ARL5B: variants seen among roughly 807,000 people sequenced by gnomAD.
ARL5B encodes ADP-ribosylation factor-like protein 5B.
A neutral mutation model predicts 26.9 loss-of-function variants in ARL5B; 10 were observed. That is an observed-to-expected ratio of 0.37 (90% CI 0.23 to 0.63). ARL5B has a LOEUF of 0.63. ARL5B is among the 30% of genes least tolerant of loss of function. The pLI is 0.62. For missense variants in ARL5B, 167 were observed against 213.9 expected (o/e 0.78, Z 1.37); for synonymous variants, 87 against 70.4 (o/e 1.24, Z -1.18).
chr10:18,668,715 C>G (rs2059872859), intron 3 of ARL5B, 38 bp downstream of exon 3: 2 of 1,600,774 alleles, frequency 1.2e-6, no homozygotes, highest in African/African-American at 2.7e-5. Flanking sequence ...ATCCAAAGGT[C>G]CCTAGAGTAA....
intron 5 of ARL5B, 75 bp from the exon 6 acceptor site, chr10:18,675,093 C>T (rs999415538): frequency 1.6e-5 from 23 of 1,395,070 alleles, no homozygotes; most frequent in Non-Finnish European, 2.1e-5. Flanking sequence ...TTGGTTAAGA[C>T]CTAAAAATAA....
At chr10:18,671,360 C>T (rs2059886206) in intron 3 of ARL5B, among the ~76,000 whole-genome samples, 2 of 151,920 alleles carry the variant, frequency 1.3e-5, no homozygotes, top group South Asian at 4.2e-4. Flanking sequence ...TTAATAGAGA[C>T]AGGGTTTCAC....
At chr10:18,671,175 T>C (rs1454229582) in intron 3 of ARL5B, among the ~76,000 whole-genome samples, 17 of 152,138 alleles carry the variant, frequency 1.1e-4, no homozygotes, top group Admixed American at 1.1e-3. Flanking sequence ...TTCCCTAATT[T>C]TATTTATTTT....
At chr10:18,661,487 T>C (rs1253814739) in intron 1 of ARL5B, among the ~76,000 whole-genome samples, 1 of 152,238 alleles carries the variant, frequency 6.6e-6, no homozygotes, top group Admixed American at 6.5e-5. Flanking sequence ...CCTCTAACTT[T>C]CCTGTTGGAA....
At chr10:18,668,791 G>C in intron 3 of ARL5B, 114 bp downstream of exon 3, 5 of 1,022,296 alleles carry the variant, frequency 4.9e-6, no homozygotes, top group Non-Finnish European at 6.8e-6. Context: ...TTTTTTTTAA[G>C]ACGGAGTCTT....
rs1590231606 is a variant in ARL5B, at chr10:18,678,149, T to C, written c.*2933T>C. 6.6e-6 allele frequency: 1 copy of C among 151,782 alleles called. No homozygotes were observed. Among genetic ancestry groups the C allele is most frequent in the African/African-American group, 2.4e-5 (1 of 41,418 alleles). 9.4% of individuals were successfully genotyped at this position (151,782 alleles called of 1,614,324 possible). On this transcript the variant is annotated 3_prime_UTR_variant, in exon 6 of 6. Transcript: ENST00000377275. ...TTTATTGTTAATGTAACTTAATTCC[T>C]TAAAACCTGGAATATTAATATATAT...
At chr10:18,675,082 T>A in intron 5 of ARL5B, 86 bp from the exon 6 acceptor site, 1 of 1,233,902 alleles carries the variant, frequency 8.1e-7, no homozygotes, top group South Asian at 1.3e-5. Context: ...GCTACCAGCC[T>A]TTGGTTAAGA....
At position 18,679,781 on chromosome 10, in the gene ARL5B, A is replaced by G. The variant is rs539869575; in HGVS notation, c.*4565A>G. ...CAAAGCACTTGAAAGTAAAGACAAT[A>G]TCATGAGGTCGAAAAAACTTCAAAA... On this transcript the variant is annotated 3_prime_UTR_variant, in exon 6 of 6. Coordinates refer to ENST00000377275, the MANE Select transcript of ARL5B (RefSeq NM_178815.5). The G allele has an allele frequency of 6.6e-6, 1 of 152,098 alleles. No individual in the cohort carries two copies. The highest frequency in any genetic ancestry group is 6.5e-5 in the Admixed American group (1 of 15,276). The allele number at this position is 152,098 out of a possible 1,614,324, so 9.4% of individuals were successfully genotyped here.
chr10:18,665,661 A>G (rs1221581626), intron 1 of ARL5B, among the ~76,000 whole-genome samples: 4 of 152,160 alleles, frequency 2.6e-5, no homozygotes, highest in African/African-American at 7.2e-5. Context: ...GATGTGCCCA[A>G]TCGTTGCCTA....
chr10:18,666,428 A>G (rs895802538), intron 1 of ARL5B, 147 bp from the exon 2 acceptor site: 20 of 626,896 alleles, frequency 3.2e-5, no homozygotes, highest in African/African-American at 7.5e-5. Context: ...CCTTAACATC[A>G]TAACATTTCT....
chr10:18,670,447 C>T (rs1344233917), intron 3 of ARL5B, among the ~76,000 whole-genome samples: 1 of 152,036 alleles, frequency 6.6e-6, no homozygotes, highest in African/African-American at 2.4e-5. Flanking sequence ...CCCATCTCTA[C>T]TAAAAATACA....
chr10:18,678,767 A>G lies in ARL5B; in HGVS notation c.*3551A>G, dbSNP rs981556899. The G allele has an allele frequency of 5.3e-5, 8 of 151,776 alleles. No individual in the cohort carries two copies. The highest frequency in any genetic ancestry group is 1.2e-4 in the Non-Finnish European group (8 of 67,764). The allele number at this position is 151,776 out of a possible 1,614,324, so 9.4% of individuals were successfully genotyped here. ...ATTTTGCCGGGGTAAAGTGACTTCA[A>G]GATACAGCATGGTGTCTTGTATCTA... On this transcript the variant is annotated 3_prime_UTR_variant, in exon 6 of 6. Coordinates refer to ENST00000377275, the MANE Select transcript of ARL5B (RefSeq NM_178815.5).
intron 1 of ARL5B, among the ~76,000 whole-genome samples, chr10:18,660,982 G>A (rs552714710): frequency 1.3e-5 from 2 of 152,168 alleles, no homozygotes; most frequent in Admixed American, 6.5e-5. Flanking sequence ...CGAGTAACTG[G>A]TATTTACAGG....
chr10:18,675,241 CTATT>C lies in ARL5B; in HGVS notation c.*30_*33del, dbSNP rs2059905456. ...ACTTTTTTGCTTGAAAGAGACTGCT[CTATT>C]TATTCTGTGACATGAACATTTTTTC... is the stretch of plus-strand genomic sequence containing the variant. On this transcript the variant is annotated 3_prime_UTR_variant, in exon 6 of 6. Transcript: ENST00000377275. 8 of 1,607,200 alleles carry C rather than the reference CTATT, an allele frequency of 5.0e-6. No individual in the cohort carries two copies. The highest frequency in any genetic ancestry group is 6.8e-6 in the Non-Finnish European group (8 of 1,173,852).
In ARL5B at chr10:18,678,220, T is replaced by A. The variant is rs1325690108; in HGVS notation, c.*3004T>A. 1 of 151,772 alleles carries A rather than the reference T, an allele frequency of 6.6e-6. No individual in the cohort carries two copies. The highest frequency in any genetic ancestry group is 1.9e-4 in the East Asian group (1 of 5,198). 9.4% of individuals were successfully genotyped at this position (151,772 alleles called of 1,614,324 possible). On this transcript the variant is annotated 3_prime_UTR_variant, in exon 6 of 6. Coordinates refer to ENST00000377275, the MANE Select transcript of ARL5B (RefSeq NM_178815.5). ...TTAAATATGTAATTTTTGCTTTTAG[T>A]TTCTTGTGTTAGTATGCTTAAAGGT...
chr10:18,675,028 G>A, intron 5 of ARL5B, 140 bp from the exon 6 acceptor site: 3 of 629,516 alleles, frequency 4.8e-6, no homozygotes, highest in Non-Finnish European at 8.1e-6. Context: ...ACTTATTATA[G>A]TGTGACTTGA....
intron 1 of ARL5B, among the ~76,000 whole-genome samples, chr10:18,664,542 ATTC>A (rs2059852456): frequency 7.3e-6 from 1 of 137,282 alleles, no homozygotes; most frequent in Admixed American, 8.2e-5. Flanking sequence ...GGTTCATGCC[ATTC>A]TTCTGCTTCA....
In ARL5B at chr10:18,668,622, T is replaced by C. The variant is rs1422082061; in HGVS notation, c.200T>C (p.Ile67Thr). 2 of 1,614,084 alleles carry C rather than the reference T, an allele frequency of 1.2e-6. No homozygotes were observed. Among genetic ancestry groups the C allele is most frequent in the Non-Finnish European group, 1.7e-6 (2 of 1,180,046 alleles). ...VKNTHFLMWD[I>T]GGQESLRSSW... ...AACACTCATTTTCTTATGTGGGATA[T>C]TGGTGGTCAGGAGTCTCTGCGATCA... The change falls in exon 3 of 6, where the codon ATT becomes ACT. Residue 67 changes from isoleucine to threonine, a missense_variant. Transcript: ENST00000377275.
chr10:18,674,943 C>T (rs1223757615), intron 5 of ARL5B, among the ~76,000 whole-genome samples: 2 of 151,998 alleles, frequency 1.3e-5, no homozygotes, highest in African/African-American at 4.8e-5. Flanking sequence ...AAAGTTGTAT[C>T]TTCAAGATGA....
Sources: allele counts gnomAD v4.1 joint callset (sites outside exome capture counted in the v4.1 genomes callset), GRCh38; gene constraint gnomAD v4.1.1; transcripts MANE v1.5; gene names NCBI Gene and HGNC (gene_info 2026-07-23, HGNC 2026-07-21).